The following RUNX2 variants were observed in gnomAD, a reference collection of about 807,000 sequenced individuals.
The protein encoded by RUNX2 is runt-related transcription factor 2.
Under a neutral mutation model 51.7 loss-of-function variants are expected in RUNX2, and 10 were observed. The observed-to-expected ratio is 0.19, with a 90% confidence interval of 0.12 to 0.33. RUNX2 has a LOEUF of 0.33. RUNX2 is among the 10% of genes least tolerant of loss of function. The pLI is 1.00. For missense variants in RUNX2, 562 were observed against 691.3 expected, an observed-to-expected ratio of 0.81 and a Z score of 2.10; for synonymous variants, 276 against 273.6, an observed-to-expected ratio of 1.01 and a Z score of -0.09.
intron 5 of RUNX2, among the ~76,000 whole-genome samples, chr6:45,449,476 C>T (rs1161555366): frequency 2.0e-5 from 3 of 152,170 alleles, no homozygotes; most frequent in Non-Finnish European, 4.4e-5. Context: ...CTCATTTGTC[C>T]TATGTTACTC....
chr6:45,435,428 G>C (rs1200332047), intron 4 of RUNX2, among the ~76,000 whole-genome samples: 1 of 152,138 alleles, frequency 6.6e-6, no homozygotes, highest in Non-Finnish European at 1.5e-5. Flanking sequence ...CACCATCTCG[G>C]CTCACTATAA....
intron 2 of RUNX2, among the ~76,000 whole-genome samples, chr6:45,371,499 T>C (rs1246174389): frequency 6.6e-6 from 1 of 152,008 alleles, no homozygotes. Context: ...AACAACAGGC[T>C]TTGATCCCAG....
rs138704472 is a variant in RUNX2 at position 45,474,129 on chromosome 6, A to T, written c.686-17812A>T. 3.9e-5 allele frequency among the ~76,000 whole-genome samples: 6 copies of T among 152,078 alleles called. No homozygotes were observed. In the East Asian group the frequency reaches 1.2e-3, roughly 29 times the overall value. ...TTGCATTCTGTCTGTCCAAACCCTT[A>T]GTGCAGATTTAGTTGGCTTTTCTGT... On this transcript the variant is annotated intron_variant, in intron 5 of 8. Coordinates refer to ENST00000647337, the MANE Select transcript of RUNX2 (RefSeq NM_001024630.4).
chr6:45,488,943 G>T (rs1374329946), intron 5 of RUNX2, among the ~76,000 whole-genome samples: 1 of 152,140 alleles, frequency 6.6e-6, no homozygotes, highest in Non-Finnish European at 1.5e-5. Flanking sequence ...AATTGCTTGG[G>T]TGCTGGGGAT....
Position 45,489,429 on chromosome 6 carries a change from A to G in RUNX2, c.686-2512A>G, listed in dbSNP as rs138100862. On this transcript the variant is annotated intron_variant, in intron 5 of 8. Transcript: ENST00000647337. ...TCACACATGTACAGTCTGAGCTCAC[A>G]TCTCATACAGCCTCTAGGAAAACCT... Among the ~76,000 whole-genome samples, 267 of 152,320 alleles carry G rather than the reference A, an allele frequency of 1.8e-3. 1 individual carries two copies. Among genetic ancestry groups the G allele is most frequent in the Non-Finnish European group, 2.9e-3 (195 of 68,036 alleles).
At chr6:45,514,243 T>C (rs1360121505) in intron 7 of RUNX2, among the ~76,000 whole-genome samples, 2 of 152,220 alleles carry the variant, frequency 1.3e-5, no homozygotes, top group Non-Finnish European at 2.9e-5. Flanking sequence ...GGAAAAATGC[T>C]GCATAAATGA....
chr6:45,369,895 C>G (rs142162695), intron 2 of RUNX2, among the ~76,000 whole-genome samples: 1 of 152,246 alleles, frequency 6.6e-6, no homozygotes, highest in South Asian at 2.1e-4. Flanking sequence ...CTCTGGAGAA[C>G]TTCCCAACAG....
chr6:45,407,691 G>A (rs1052286058), intron 2 of RUNX2, among the ~76,000 whole-genome samples: 2 of 151,878 alleles, frequency 1.3e-5, no homozygotes, highest in South Asian at 2.1e-4. Flanking sequence ...TAGAGACAGA[G>A]GTCTCGCTAT....
rs759833497 is a variant in RUNX2, at chr6:45,422,748, G to C, written c.214G>C (p.Glu72Gln). 11 of 1,540,254 alleles carry C rather than the reference G, an allele frequency of 7.1e-6. 1 individual carries two copies. Among genetic ancestry groups the C allele is most frequent in the Admixed American group, 4.1e-5 (2 of 48,978 alleles). ...QQQQQQQQQQ[E>Q]AAAAAAAAAA... ...GCAGCAACAGCAGCAGCAGCAGCAG[G>C]AGGCGGCGGCGGCGGCTGCGGCGGC... Residue 72 changes from glutamate (E) to glutamine (Q), a missense_variant, in exon 3 of 9, where the codon GAG (glutamate) becomes CAG (glutamine). Glu to Gln is a conservative substitution (Grantham distance 29). Transcript: ENST00000647337.
At chr6:45,451,995 A>G (rs1004150126) in intron 5 of RUNX2, among the ~76,000 whole-genome samples, 4 of 152,230 alleles carry the variant, frequency 2.6e-5, no homozygotes, top group Non-Finnish European at 4.4e-5. Flanking sequence ...ATATGACCAA[A>G]AAGAGAAACA....
intron 2 of RUNX2, among the ~76,000 whole-genome samples, chr6:45,375,561 A>T (rs1021035231): frequency 6.6e-6 from 1 of 150,586 alleles, no homozygotes; most frequent in Non-Finnish European, 1.5e-5. Context: ...TTTTTTTTTT[A>T]AAGAGACAAG....
chr6:45,400,083 GAAGGAAGGAAGGAAAA>G (rs970963441), intron 2 of RUNX2, among the ~76,000 whole-genome samples: 1 of 131,156 alleles, frequency 7.6e-6, no homozygotes, highest in African/African-American at 2.8e-5. Flanking sequence ...AGGAGGGAGG[GAAGGAAGGAAGGAAAA>G]AAGGAAGGAA....
intron 7 of RUNX2, among the ~76,000 whole-genome samples, chr6:45,520,729 T>TC (rs1245953454): frequency 6.7e-6 from 1 of 149,976 alleles, no homozygotes; most frequent in Non-Finnish European, 1.5e-5. Flanking sequence ...CATATCTTTC[T>TC]TTTTTTTTTG....
At chr6:45,449,360 G>T (rs917692095) in intron 5 of RUNX2, among the ~76,000 whole-genome samples, 1 of 152,192 alleles carries the variant, frequency 6.6e-6, no homozygotes, top group African/African-American at 2.4e-5. Flanking sequence ...TTCTGCCAAG[G>T]AGTTCCAAAT....
chr6:45,413,038 A>G (rs1035300802), intron 2 of RUNX2, among the ~76,000 whole-genome samples: 1 of 152,190 alleles, frequency 6.6e-6, no homozygotes. Context: ...GGCGTGAGCC[A>G]CTAGGCCTGG....
Position 45,512,914 on chromosome 6 carries a change from TG to T in RUNX2, c.1021+509del, listed in dbSNP as rs780175085. Among the ~76,000 whole-genome samples, 8 of 152,270 alleles carry T rather than the reference TG, an allele frequency of 5.3e-5. No individual in the cohort carries two copies. In the East Asian group the frequency reaches 5.8e-4, roughly 11 times the overall value. ...TAGTCATTTGAAGTGCTGTGAGGCCTGGAAGAATCTTAAAAGACAATGCGTG... is the reference window on the plus strand; with the variant it reads ...TAGTCATTTGAAGTGCTGTGAGGCCTGAAGAATCTTAAAAGACAATGCGTG... On this transcript the variant is annotated intron_variant, in intron 7 of 8. Coordinates refer to ENST00000647337, the MANE Select transcript of RUNX2 (RefSeq NM_001024630.4).
chr6:45,545,784 C>T (rs1269562125), intron 8 of RUNX2, among the ~76,000 whole-genome samples: 1 of 152,184 alleles, frequency 6.6e-6, no homozygotes, highest in Non-Finnish European at 1.5e-5. Flanking sequence ...CTTTAAAGGT[C>T]ACAACTACAA....
chr6:45,506,813 G>T (rs1486182549), intron 6 of RUNX2, among the ~76,000 whole-genome samples: 5 of 151,946 alleles, frequency 3.3e-5, no homozygotes, highest in Admixed American at 3.3e-4. Context: ...GATAATTTTT[G>T]TATTTTTTTG....
intron 2 of RUNX2, among the ~76,000 whole-genome samples, chr6:45,348,414 C>T (rs1456292609): frequency 6.6e-6 from 1 of 150,644 alleles, no homozygotes; most frequent in South Asian, 2.1e-4. Flanking sequence ...CGCCTGTAAT[C>T]CCAGCACTTT....
Sources: gnomAD v4.1 joint callset for allele counts (sites outside exome capture counted in the v4.1 genomes callset) on GRCh38, gnomAD v4.1.1 for gene constraint, MANE v1.5 for transcripts, NCBI Gene and HGNC (gene_info 2026-07-23, HGNC 2026-07-21) for gene names.